Variants in P2RY2 observed in about 807,000 individuals in gnomAD.
The protein encoded by P2RY2 is purinergic receptor P2Y2.
For synonymous variants in P2RY2, 241 were observed against 231.9 expected, an observed-to-expected ratio of 1.04 and a Z score of -0.35; for missense variants, 567 against 515.7, an observed-to-expected ratio of 1.10 and a Z score of -0.96.
chr11:73,235,236 T>C lies in P2RY2; in HGVS notation c.1077T>C (p.Ser359=), dbSNP rs1335703109. Reference sequence around the variant, plus strand: ...ATGTGTTGGGCAGCAGTGAGGACTCTAGGCGGACAGAGTCCACGCCGGCTG... The same window carrying C: ...ATGTGTTGGGCAGCAGTGAGGACTCCAGGCGGACAGAGTCCACGCCGGCTG... ...IEDVLGSSED[S]RRTESTPAGS... Residue 359 remains serine (S), a synonymous_variant, in exon 3 of 3, where the codon TCT becomes TCC. Transcript: ENST00000393597. 3.1e-6 allele frequency: 5 copies of C among 1,604,078 alleles called. No individual in the cohort carries two copies. Among genetic ancestry groups the C allele is most frequent in the Non-Finnish European group, 4.3e-6 (5 of 1,174,894 alleles).
chr11:73,225,563 G>C (rs2135633872), intron 1 of P2RY2, among the ~76,000 whole-genome samples: 1 of 144,474 alleles, frequency 6.9e-6, no homozygotes, highest in East Asian at 2.0e-4. Context: ...GGATGGTCAG[G>C]CAGCTTCCTG....
chr11:73,237,180 G>GCTCACACTAT lies in P2RY2; in HGVS notation c.*1887_*1888insCTCACACTAT. On this transcript the variant is annotated 3_prime_UTR_variant, in exon 3 of 3. Coordinates refer to ENST00000393597, the MANE Select transcript of P2RY2 (RefSeq NM_002564.4). ...CCAGGTGGGTGACCTGCCCAGAATA[G>GCTCACACTAT]TGTGAGCTATTCACCTCTCACCTTC... The GCTCACACTAT allele has an allele frequency of 3.3e-6, 3 of 902,896 alleles. No individual in the cohort carries two copies. The highest frequency in any genetic ancestry group is 4.0e-6 in the Non-Finnish European group (3 of 754,592). The allele number at this position is 902,896 out of a possible 1,614,324, so 55.9% of individuals were successfully genotyped here.
intron 1 of P2RY2, among the ~76,000 whole-genome samples, chr11:73,226,424 C>T (rs1031909347): frequency 1.3e-5 from 2 of 152,112 alleles, no homozygotes; most frequent in African/African-American, 4.8e-5. Flanking sequence ...AGCTACCAGC[C>T]CACCGGCCTT....
intron 2 of P2RY2, among the ~76,000 whole-genome samples, chr11:73,233,189 G>A (rs986221991): frequency 2.0e-5 from 3 of 152,226 alleles, no homozygotes; most frequent in Admixed American, 6.5e-5. Context: ...GACTCTTCAC[G>A]GGGGTTACTT....
intron 2 of P2RY2, among the ~76,000 whole-genome samples, chr11:73,229,753 AGCAGGAAACTCTTCAT>A: frequency 6.6e-6 from 1 of 152,186 alleles, no homozygotes; most frequent in East Asian, 1.9e-4. Context: ...GTTAGGGATT[AGCAGGAAACTCTTCAT>A]GCAGGGTGAT....
At position 73,242,113 on chromosome 11, in the gene P2RY2, C is replaced by G. The variant is rs572779708; in HGVS notation, c.*6820C>G. 2.0e-5 allele frequency: 3 copies of G among 152,066 alleles called. No individual in the cohort carries two copies. Among genetic ancestry groups the G allele is most frequent in the Non-Finnish European group, 4.4e-5 (3 of 68,004 alleles). The allele number at this position is 152,066 out of a possible 1,614,324, so 9.4% of individuals were successfully genotyped here. ...GTGTAGAGAGCTGGGGCAAGGAACC[C>G]TGAGAAGATGTCTTACCCCAGTTGT... On this transcript the variant is annotated 3_prime_UTR_variant, in exon 3 of 3. Coordinates refer to ENST00000393597, the MANE Select transcript of P2RY2 (RefSeq NM_002564.4).
intron 2 of P2RY2, among the ~76,000 whole-genome samples, chr11:73,233,183 C>T (rs1315893163): frequency 6.6e-6 from 1 of 152,218 alleles, no homozygotes; most frequent in Non-Finnish European, 1.5e-5. Flanking sequence ...TCCCTGGACT[C>T]TTCACGGGGG....
intron 2 of P2RY2, among the ~76,000 whole-genome samples, chr11:73,228,649 T>C (rs561585698): frequency 6.6e-6 from 1 of 152,318 alleles, no homozygotes; most frequent in East Asian, 1.9e-4. Context: ...CCTGGGCTCC[T>C]GTGGCAGTTG....
intron 1 of P2RY2, among the ~76,000 whole-genome samples, chr11:73,224,709 T>C (rs554305741): frequency 6.6e-6 from 1 of 152,298 alleles, no homozygotes; most frequent in South Asian, 2.1e-4. Flanking sequence ...TGGCCTTCAG[T>C]GTGGGAGACC....
chr11:73,241,537 C>T lies in P2RY2; in HGVS notation c.*6244C>T, dbSNP rs1259747906. The T allele has an allele frequency of 6.6e-6, 1 of 152,252 alleles. No individual in the cohort carries two copies. The allele number at this position is 152,252 out of a possible 1,614,324, so 9.4% of individuals were successfully genotyped here. ...CCCTGCTCAGTGACGTGTGATTTTC[C>T]TTTCCCATCCATAAACTGCGCATTT... On this transcript the variant is annotated 3_prime_UTR_variant, in exon 3 of 3. Transcript: ENST00000393597.
In P2RY2 at chr11:73,235,166, T is replaced by C. The variant is rs750558013; in HGVS notation, c.1007T>C (p.Leu336Pro). The change falls in exon 3 of 3, where the codon CTG becomes CCG. Residue 336 changes from leucine to proline, a missense_variant. Transcript: ENST00000393597. ...CCTGCCACCCCGGCTCGCCGCAGGC[T>C]GGGCCTGCGCAGATCCGACAGAACT... ...PSPATPARRR[L>P]GLRRSDRTDM... The C allele has an allele frequency of 1.1e-5, 17 of 1,609,324 alleles. No individual in the cohort carries two copies. The highest frequency in any genetic ancestry group is 1.4e-5 in the Non-Finnish European group (16 of 1,179,538).
In P2RY2 at chr11:73,228,181, T is replaced by TCGGGGGGG. The variant is rs1316568270; in HGVS notation, c.-5+6_-5+7insCGGGGGGG. On this transcript the variant is annotated splice_region_variant and intron_variant, in intron 2 of 2. Coordinates refer to ENST00000393597, the MANE Select transcript of P2RY2 (RefSeq NM_002564.4). ...GGAGAGCAGGGGCTGGTCAGGTACG[T>TCGGGGGGG]GGGGTGGGGGTGGGGGGGAGCGGGT... The TCGGGGGGG allele has an allele frequency of 2.0e-5, 2 of 101,126 alleles. No individual in the cohort carries two copies. The highest frequency in any genetic ancestry group is 1.5e-4 in the African/African-American group (2 of 13,170). The allele number at this position is 101,126 out of a possible 1,614,324, so 6.3% of individuals were successfully genotyped here.
chr11:73,239,676 C>T lies in P2RY2; in HGVS notation c.*4383C>T, dbSNP rs913295853. ...TGACCTGAGGTCACTTGCCTGCCTT[C>T]TCTGGACTGCACTGTAGGGCCTGGA... is the stretch of plus-strand genomic sequence containing the variant. On this transcript the variant is annotated 3_prime_UTR_variant, in exon 3 of 3. Coordinates refer to ENST00000393597, the MANE Select transcript of P2RY2 (RefSeq NM_002564.4). 2 of 152,300 alleles carry T rather than the reference C, an allele frequency of 1.3e-5. No individual in the cohort carries two copies. The highest frequency in any genetic ancestry group is 4.8e-5 in the African/African-American group (2 of 41,444). The allele number at this position is 152,300 out of a possible 1,614,324, so 9.4% of individuals were successfully genotyped here.
In P2RY2 at chr11:73,235,449, C is replaced by T; in HGVS notation, c.*156C>T. ...TTGACAGGGGCTCAGGATATTCACT[C>T]TGTGGTCCAGAGTCAACTGTTCCCA... On this transcript the variant is annotated 3_prime_UTR_variant, in exon 3 of 3. Coordinates refer to ENST00000393597, the MANE Select transcript of P2RY2 (RefSeq NM_002564.4). The T allele has an allele frequency of 1.4e-6, 2 of 1,406,182 alleles. No individual in the cohort carries two copies. The highest frequency in any genetic ancestry group is 1.8e-5 in the South Asian group (1 of 54,842). The allele number at this position is 1,406,182 out of a possible 1,614,324, so 87.1% of individuals were successfully genotyped here. A position where few individuals can be genotyped will look rare whatever the true frequency, so the allele number is the denominator to read the frequency against.
In P2RY2 at chr11:73,234,038, G is replaced by A. The variant is rs1324806594; in HGVS notation, c.-4-118G>A. ...ATTCTCAAGGTTCCAGAGCTTGGAG[G>A]TTCCAGGTCCAGATCCAAGTCAGAT... On this transcript the variant is annotated intron_variant, in intron 2 of 2. Transcript: ENST00000393597. The A allele has an allele frequency of 4.9e-6, 6 of 1,236,882 alleles. No homozygotes were observed. In the African/African-American group the frequency reaches 6.1e-5, roughly 12 times the overall value. 76.6% of individuals were successfully genotyped at this position (1,236,882 alleles called of 1,614,324 possible).
Position 73,241,474 on chromosome 11 carries a change from C to T in P2RY2, c.*6181C>T, listed in dbSNP as rs1032484631. On this transcript the variant is annotated 3_prime_UTR_variant, in exon 3 of 3. Transcript: ENST00000393597. ...TAGACAGAGACAATGCAGTGAGGCACAAACATGCAACTGTTTGATTTTCCT... is the reference window on the plus strand; with the variant it reads ...TAGACAGAGACAATGCAGTGAGGCATAAACATGCAACTGTTTGATTTTCCT... 6.6e-6 allele frequency: 1 copy of T among 152,528 alleles called. No homozygotes were observed. The highest frequency in any genetic ancestry group is 1.5e-5 in the Non-Finnish European group (1 of 68,198). 9.4% of individuals were successfully genotyped at this position (152,528 alleles called of 1,614,324 possible).
At position 73,238,624 on chromosome 11, in the gene P2RY2, A is replaced by T. The variant is rs1035012224; in HGVS notation, c.*3331A>T. 6.6e-6 allele frequency among the ~76,000 whole-genome samples: 1 copy of T among 152,140 alleles called. No homozygotes were observed. The highest frequency in any genetic ancestry group is 1.5e-5 in the Non-Finnish European group (1 of 68,028). On this transcript the variant is annotated 3_prime_UTR_variant, in exon 3 of 3. Coordinates refer to ENST00000393597, the MANE Select transcript of P2RY2 (RefSeq NM_002564.4). Reference sequence around the variant, plus strand: ...TCCCACGCACCCTCTCATCTATGTTATATGGTGGATGCTTCACAGAAGCCC... The same window carrying T: ...TCCCACGCACCCTCTCATCTATGTTTTATGGTGGATGCTTCACAGAAGCCC...
At position 73,235,224 on chromosome 11, in the gene P2RY2, C is replaced by T; in HGVS notation, c.1065C>T (p.Ser355=). 1 of 1,609,728 alleles carries T rather than the reference C, an allele frequency of 6.2e-7. No individual in the cohort carries two copies. The highest frequency in any genetic ancestry group is 2.2e-5 in the East Asian group (1 of 44,824). ...DMQRIEDVLG[S]SEDSRRTEST... ...AGAGGATAGAAGATGTGTTGGGCAGCAGTGAGGACTCTAGGCGGACAGAGT... is the reference window on the plus strand; with the variant it reads ...AGAGGATAGAAGATGTGTTGGGCAGTAGTGAGGACTCTAGGCGGACAGAGT... Residue 355 remains serine, a synonymous_variant, in exon 3 of 3, where the codon AGC becomes AGT. Transcript: ENST00000393597.
chr11:73,222,591 C>T (rs1162802788), intron 1 of P2RY2, among the ~76,000 whole-genome samples: 1 of 152,160 alleles, frequency 6.6e-6, no homozygotes, highest in Non-Finnish European at 1.5e-5. Context: ...TCACCCTCCA[C>T]AGTAGCCGTA....
Sources: allele counts gnomAD v4.1 joint callset (sites outside exome capture counted in the v4.1 genomes callset), GRCh38; gene constraint gnomAD v4.1.1; transcripts MANE v1.5; gene names NCBI Gene and HGNC (gene_info 2026-07-23, HGNC 2026-07-21).